ZMAT4: variants seen among roughly 807,000 people sequenced by gnomAD.
ZMAT4 encodes the protein zinc finger matrin-type protein 4.
Under a neutral mutation model 28.7 loss-of-function variants are expected in ZMAT4, and 17 were observed. The observed-to-expected ratio is 0.59, with a 90% CI of 0.41 to 0.89. The LOEUF is 0.89. Ranked by LOEUF, ZMAT4 falls within the 40% of genes least tolerant of loss-of-function variation. ZMAT4 has a pLI of 0.00. For missense variants in ZMAT4, 240 were observed against 283.8 expected (o/e 0.85, Z 1.11); for synonymous variants, 117 against 109.2 (o/e 1.07, Z -0.44).
intron 1 of ZMAT4, among the ~76,000 whole-genome samples, chr8:40,831,757 G>A (rs566259209): frequency 6.6e-6 from 1 of 152,282 alleles, no homozygotes; most frequent in South Asian, 2.1e-4. Flanking sequence ...TTTCCAAACT[G>A]CCACTCCGTG....
At chr8:40,681,778 C>T (rs970637997) in intron 4 of ZMAT4, among the ~76,000 whole-genome samples, 1 of 151,936 alleles carries the variant, frequency 6.6e-6, no homozygotes, top group African/African-American at 2.4e-5. Context: ...TTGATAGTTT[C>T]ATTAAACTTA....
chr8:40,650,079 G>A (rs1391444346), intron 5 of ZMAT4, among the ~76,000 whole-genome samples: 1 of 152,018 alleles, frequency 6.6e-6, no homozygotes, highest in Admixed American at 6.6e-5. Flanking sequence ...TAAAATCAGA[G>A]CAGAACTGAA....
chr8:40,766,838 T>C (rs780260597), intron 3 of ZMAT4, among the ~76,000 whole-genome samples: 23 of 152,190 alleles, frequency 1.5e-4, no homozygotes, highest in Non-Finnish European at 1.5e-4. Context: ...AAAACCGTCA[T>C]CTACATGGCA....
chr8:40,893,589 T>A (rs1334957490), intron 1 of ZMAT4, among the ~76,000 whole-genome samples: 1 of 152,200 alleles, frequency 6.6e-6, no homozygotes, highest in African/African-American at 2.4e-5. Context: ...CTGCTCCCCA[T>A]CCAAACTCAG....
intron 6 of ZMAT4, among the ~76,000 whole-genome samples, chr8:40,576,411 A>G (rs932267724): frequency 3.3e-5 from 5 of 152,246 alleles, no homozygotes; most frequent in African/African-American, 1.2e-4. Flanking sequence ...AATTCTAAAA[A>G]CAACAAGAGA....
At chr8:40,894,527 G>A (rs1818803954) in intron 1 of ZMAT4, among the ~76,000 whole-genome samples, 1 of 152,168 alleles carries the variant, frequency 6.6e-6, no homozygotes, top group African/African-American at 2.4e-5. Context: ...ATGGGAAGGA[G>A]AGTGAGTAGG....
At chr8:40,784,843 T>C (rs985213649) in intron 2 of ZMAT4, among the ~76,000 whole-genome samples, 6 of 152,204 alleles carry the variant, frequency 3.9e-5, no homozygotes, top group African/African-American at 1.4e-4. Flanking sequence ...ACGATAAAAG[T>C]ACATAAGTCA....
chr8:40,577,109 G>A (rs749161043), intron 6 of ZMAT4, among the ~76,000 whole-genome samples: 31 of 152,032 alleles, frequency 2.0e-4, no homozygotes, highest in African/African-American at 6.0e-4. Flanking sequence ...CAGGAGAATC[G>A]CTTGAACACA....
intron 6 of ZMAT4, among the ~76,000 whole-genome samples, chr8:40,562,365 G>C (rs1231625502): frequency 6.6e-6 from 1 of 152,132 alleles, no homozygotes; most frequent in African/African-American, 2.4e-5. Context: ...GAGTTCTAGG[G>C]ATCAGCAGGG....
At chr8:40,618,672 AAG>A (rs1806098296) in intron 5 of ZMAT4, among the ~76,000 whole-genome samples, 2 of 151,558 alleles carry the variant, frequency 1.3e-5, no homozygotes, top group South Asian at 4.2e-4. Context: ...AAAAAAAAAA[AAG>A]AAATGACTGG....
intron 6 of ZMAT4, among the ~76,000 whole-genome samples, chr8:40,549,402 C>G (rs1374617110): frequency 6.6e-6 from 1 of 152,204 alleles, no homozygotes; most frequent in East Asian, 1.9e-4. Flanking sequence ...GTTTGCATTT[C>G]AAGCCTTGAA....
chr8:40,851,699 A>G (rs1461802506), intron 1 of ZMAT4, among the ~76,000 whole-genome samples: 9 of 152,218 alleles, frequency 5.9e-5, no homozygotes, highest in Non-Finnish European at 1.3e-4. Context: ...TACCATACAT[A>G]CATATCTCAA....
intron 5 of ZMAT4, among the ~76,000 whole-genome samples, chr8:40,633,920 G>A (rs751190626): frequency 6.6e-6 from 1 of 152,126 alleles, no homozygotes; most frequent in Non-Finnish European, 1.5e-5. Flanking sequence ...TTACCTCAGC[G>A]ACAACTCCAA....
chr8:40,721,967 C>T (rs960946627), intron 3 of ZMAT4, among the ~76,000 whole-genome samples: 2 of 151,706 alleles, frequency 1.3e-5, no homozygotes, highest in African/African-American at 4.8e-5. Context: ...AACTGGCTAG[C>T]CATATGTAGG....
chr8:40,744,096 G>C (rs1812124109), intron 3 of ZMAT4, among the ~76,000 whole-genome samples: 1 of 152,188 alleles, frequency 6.6e-6, no homozygotes, highest in Admixed American at 6.5e-5. Context: ...ATAGAGACTA[G>C]AATGAGATAA....
intron 2 of ZMAT4, among the ~76,000 whole-genome samples, chr8:40,805,296 C>A: frequency 6.8e-6 from 1 of 146,248 alleles, no homozygotes; most frequent in Non-Finnish European, 1.5e-5. Context: ...ACAACAGGTG[C>A]TGGAGAGGAT....
At chr8:40,647,648 A>T (rs1449889641) in intron 5 of ZMAT4, among the ~76,000 whole-genome samples, 1 of 152,212 alleles carries the variant, frequency 6.6e-6, no homozygotes, top group Non-Finnish European at 1.5e-5. Context: ...AAAAGACAGC[A>T]GTAACTTCTG....
intron 2 of ZMAT4, among the ~76,000 whole-genome samples, chr8:40,822,462 T>C (rs1437283868): frequency 6.6e-6 from 1 of 152,182 alleles, no homozygotes; most frequent in Non-Finnish European, 1.5e-5. Flanking sequence ...ATGAATTGAA[T>C]GGAATTTCGA....
chr8:40,746,756 C>T (rs961854312), intron 3 of ZMAT4, among the ~76,000 whole-genome samples: 3 of 152,180 alleles, frequency 2.0e-5, no homozygotes, highest in African/African-American at 7.2e-5. Flanking sequence ...TGGTCTGGCT[C>T]CTACCATATT....
Sources: gnomAD v4.1 joint callset for allele counts (sites outside exome capture counted in the v4.1 genomes callset) on GRCh38, gnomAD v4.1.1 for gene constraint, MANE v1.5 for transcripts, NCBI Gene and HGNC (gene_info 2026-07-23, HGNC 2026-07-21) for gene names.